PIK3CB: variants seen among roughly 807,000 people sequenced by gnomAD.
PIK3CB encodes the protein phosphatidylinositol-4,5-bisphosphate 3-kinase catalytic subunit beta, also known as phosphatidylinositol 4,5-bisphosphate 3-kinase catalytic subunit beta isoform.
In PIK3CB, 39 loss-of-function variants were observed where a neutral mutation model predicts 136.8. The ratio of observed to expected loss-of-function variants is 0.29; its 90% confidence interval spans 0.22 to 0.37. PIK3CB has a LOEUF of 0.37. Among genes scored for constraint, PIK3CB ranks in the 10% least tolerant of loss-of-function variants. The pLI is 1.00. For synonymous variants in PIK3CB, 428 were observed against 436.6 expected (o/e 0.98, Z 0.25); for missense variants, 868 against 1,275.4 (o/e 0.68, Z 4.87).
At position 138,770,723 on chromosome 3, in the gene PIK3CB, T is replaced by C. The variant is rs184311175; in HGVS notation, c.-16-11364A>G. 3.3e-3 allele frequency among the ~76,000 whole-genome samples: 501 copies of C among 152,312 alleles called. 1 individual carries two copies. Among genetic ancestry groups the C allele is most frequent in the Admixed American group, 6.3e-3 (97 of 15,290 alleles). ...AACATTACTTCTTTTGTTTTTGTTT[T>C]TGTTTTGAGACTAAGTCTTGCTCTG... On this transcript the variant is annotated intron_variant, in intron 2 of 23. Transcript: ENST00000674063.
Position 138,653,325 on chromosome 3 carries a change from A to G in PIK3CB, c.*2064T>C, listed in dbSNP as rs977205738. ...CTGGGTTTGAATACTGGCTCCATCAACTACTCTGTGACTATGGTCACGTTA... is the reference window on the plus strand; with the variant it reads ...CTGGGTTTGAATACTGGCTCCATCAGCTACTCTGTGACTATGGTCACGTTA... On this transcript the variant is annotated 3_prime_UTR_variant, in exon 24 of 24. Transcript: ENST00000674063. The G allele has an allele frequency of 2.3e-5, 4 of 175,780 alleles. No individual in the cohort carries two copies. Among genetic ancestry groups the G allele is most frequent in the African/African-American group, 9.5e-5 (4 of 42,200 alleles). The allele number at this position is 175,780 out of a possible 1,614,324, so 10.9% of individuals were successfully genotyped here.
At chr3:138,825,784 G>A in intron 1 of PIK3CB, 2 of 846,470 alleles carry the variant, frequency 2.4e-6, no homozygotes, top group East Asian at 2.4e-5. Context: ...GGTCACCTTT[G>A]CTCCAGTCAA....
chr3:138,745,027 G>A (rs938030501), intron 4 of PIK3CB, among the ~76,000 whole-genome samples: 4 of 152,090 alleles, frequency 2.6e-5, no homozygotes, highest in East Asian at 1.9e-4. Context: ...GTACAATATC[G>A]GGACAGAGAT....
chr3:138,774,841 T>A (rs2108772565), intron 2 of PIK3CB, among the ~76,000 whole-genome samples: 1 of 152,236 alleles, frequency 6.6e-6, no homozygotes, highest in East Asian at 1.9e-4. Flanking sequence ...GTTATTTCTG[T>A]CTGCTGTCAT....
At chr3:138,823,660 G>A (rs982106884) in intron 1 of PIK3CB, among the ~76,000 whole-genome samples, 7 of 152,020 alleles carry the variant, frequency 4.6e-5, no homozygotes, top group African/African-American at 9.7e-5. Context: ...CCGAGATGGC[G>A]CCACTGCACT....
chr3:138,655,488 G>A lies in PIK3CB; in HGVS notation c.3114C>T (p.Leu1038=), dbSNP rs578041752. Residue 1038 remains leucine (L), a synonymous_variant, in exon 24 of 24, where the codon CTC becomes CTT. Coordinates refer to ENST00000674063, the MANE Select transcript of PIK3CB (RefSeq NM_006219.3). ...LALGKSEEEA[L]KQFKQKFDEA... is the part of the protein sequence containing the mutation. Reference sequence around the variant, plus strand: ...CATCAAATTTTTGCTTAAACTGTTTGAGTGCTTCTTCTTCACTCTTCCCTA... The same window carrying A: ...CATCAAATTTTTGCTTAAACTGTTTAAGTGCTTCTTCTTCACTCTTCCCTA... 2.5e-6 allele frequency: 4 copies of A among 1,612,476 alleles called. No homozygotes were observed. The highest frequency in any genetic ancestry group is 3.4e-6 in the Non-Finnish European group (4 of 1,178,506).
At chr3:138,788,468 C>G (rs1576414062) in intron 2 of PIK3CB, among the ~76,000 whole-genome samples, 1 of 150,182 alleles carries the variant, frequency 6.7e-6, no homozygotes, top group Non-Finnish European at 1.5e-5. Context: ...ACCAGCCTGA[C>G]CAACATGGCA....
intron 22 of PIK3CB, among the ~76,000 whole-genome samples, chr3:138,656,484 A>G (rs949724836): frequency 1.4e-4 from 22 of 152,224 alleles, no homozygotes; most frequent in African/African-American, 5.3e-4. Context: ...CATCACAGAT[A>G]TATTTTTCAA....
At chr3:138,827,615 G>T (rs1215044406) in intron 1 of PIK3CB, among the ~76,000 whole-genome samples, 2 of 151,892 alleles carry the variant, frequency 1.3e-5, no homozygotes, top group Non-Finnish European at 2.9e-5. Context: ...GCAGTTCGAG[G>T]TTACGGTGAG....
At chr3:138,795,587 T>C (rs1370676665) in intron 2 of PIK3CB, among the ~76,000 whole-genome samples, 1 of 151,868 alleles carries the variant, frequency 6.6e-6, no homozygotes. Context: ...GCCAAGATGG[T>C]GCCACTGTAC....
intron 12 of PIK3CB, among the ~76,000 whole-genome samples, chr3:138,701,630 A>C (rs2044255049): frequency 6.6e-6 from 1 of 151,762 alleles, no homozygotes; most frequent in African/African-American, 2.4e-5. Context: ...ACTAAAATAC[A>C]AAAAATTAGC....
chr3:138,820,860 G>A (rs1444588641), intron 1 of PIK3CB, among the ~76,000 whole-genome samples: 6 of 152,124 alleles, frequency 3.9e-5, no homozygotes, highest in African/African-American at 7.2e-5. Flanking sequence ...TTTTTTTAAA[G>A]TAATTCCCCT....
At chr3:138,675,755 A>C (rs1265055843) in intron 19 of PIK3CB, among the ~76,000 whole-genome samples, 1 of 152,174 alleles carries the variant, frequency 6.6e-6, no homozygotes, top group Non-Finnish European at 1.5e-5. Context: ...GAGAGAAAGA[A>C]CAAAGGTTGG....
chr3:138,708,501 T>C (rs532687250), intron 10 of PIK3CB, among the ~76,000 whole-genome samples: 1 of 151,990 alleles, frequency 6.6e-6, no homozygotes, highest in Non-Finnish European at 1.5e-5. Flanking sequence ...GCTCAAGAGA[T>C]CCACCCAACT....
At chr3:138,780,544 C>A (rs1030288284) in intron 2 of PIK3CB, among the ~76,000 whole-genome samples, 5 of 152,246 alleles carry the variant, frequency 3.3e-5, no homozygotes, top group African/African-American at 9.6e-5. Context: ...GCTAGGATTA[C>A]AGGTGTGAGC....
rs57432821 is a variant in PIK3CB at position 138,788,964 on chromosome 3, C to CAAAA, written c.-17+7495_-17+7498dup. On this transcript the variant is annotated intron_variant, in intron 2 of 23. Transcript: ENST00000674063. ...GGGGGAAAAGAGAGAGACTTCGTCT[C>CAAAA]AAAAAAAAAAAAAAAAAAAAAAAAA... Among the ~76,000 whole-genome samples, 48 of 89,478 alleles carry CAAAA rather than the reference C, an allele frequency of 5.4e-4. 1 individual carries two copies. The highest frequency in any genetic ancestry group is 1.0e-3 in the African/African-American group (22 of 21,656). The allele number at this position is 89,478 out of a possible 152,430, so 58.7% of individuals were successfully genotyped here. A position where few individuals can be genotyped will look rare whatever the true frequency, so the allele number is the denominator to read the frequency against.
chr3:138,693,935 A>G (rs1327062790), intron 14 of PIK3CB, among the ~76,000 whole-genome samples: 1 of 42,358 alleles, frequency 2.4e-5, no homozygotes, highest in East Asian at 1.1e-3. Flanking sequence ...TATTTGCTTA[A>G]AATATATATA....
At chr3:138,684,528 T>C (rs987695782) in intron 17 of PIK3CB, 97 bp downstream of exon 17, 2 of 790,874 alleles carry the variant, frequency 2.5e-6, no homozygotes, top group South Asian at 5.9e-5. Flanking sequence ...TATATTCTAC[T>C]TCCTGAGGCT....
At chr3:138,803,671 G>A (rs2046200668) in intron 1 of PIK3CB, among the ~76,000 whole-genome samples, 1 of 152,184 alleles carries the variant, frequency 6.6e-6, no homozygotes, top group South Asian at 2.1e-4. Context: ...AGAAGCTCTT[G>A]GAAGAGGCTC....
Sources: gnomAD v4.1 joint callset for allele counts (sites outside exome capture counted in the v4.1 genomes callset) on GRCh38, gnomAD v4.1.1 for gene constraint, MANE v1.5 for transcripts, NCBI Gene and HGNC (gene_info 2026-07-23, HGNC 2026-07-21) for gene names.